Variants in EIF4E observed in about 807,000 individuals in gnomAD.
The protein encoded by EIF4E is eukaryotic translation initiation factor 4E, also known as eIF-4F 25 kDa subunit.
For missense variants in EIF4E, 113 were observed against 265.6 expected (o/e 0.43, Z 3.99); for synonymous variants, 71 against 88.5 (o/e 0.80, Z 1.11).
At chr4:98,917,446 C>G (rs953936715) in intron 1 of EIF4E, among the ~76,000 whole-genome samples, 1 of 152,124 alleles carries the variant, frequency 6.6e-6, no homozygotes, top group African/African-American at 2.4e-5. Context: ...AAAAAGGGCT[C>G]TAGTAGAAAT....
chr4:98,911,002 G>A (rs1340932693), intron 1 of EIF4E, among the ~76,000 whole-genome samples: 1 of 151,784 alleles, frequency 6.6e-6, no homozygotes, highest in Admixed American at 6.6e-5. Flanking sequence ...CTAAAGTGCT[G>A]GAATTACAGG....
At chr4:98,919,236 T>G (rs938208592) in intron 1 of EIF4E, among the ~76,000 whole-genome samples, 5 of 149,738 alleles carry the variant, frequency 3.3e-5, no homozygotes, top group African/African-American at 1.2e-4. Flanking sequence ...ACCCGGGAGG[T>G]GGATGTTGCA....
chr4:98,924,013 A>G (rs1725765571), intron 1 of EIF4E, among the ~76,000 whole-genome samples: 2 of 152,182 alleles, frequency 1.3e-5, no homozygotes, highest in Non-Finnish European at 1.5e-5. Flanking sequence ...CCACTTCTCA[A>G]AAAAGTCTCT....
chr4:98,900,818 AACT>A (rs1318918005), intron 2 of EIF4E, among the ~76,000 whole-genome samples: 3 of 152,192 alleles, frequency 2.0e-5, no homozygotes, highest in Admixed American at 6.5e-5. Flanking sequence ...TTACACTATT[AACT>A]ATGAAAACTT....
At chr4:98,892,877 C>T (rs561106691) in intron 2 of EIF4E, among the ~76,000 whole-genome samples, 40 of 152,060 alleles carry the variant, frequency 2.6e-4, no homozygotes, top group African/African-American at 9.6e-4. Context: ...ATAATGTATA[C>T]CAGTTTTAAT....
intron 1 of EIF4E, among the ~76,000 whole-genome samples, chr4:98,925,014 T>A (rs1211045050): frequency 2.6e-5 from 4 of 152,242 alleles, no homozygotes; most frequent in African/African-American, 9.6e-5. Flanking sequence ...AGTCCACTAA[T>A]TTGCATAGTC....
rs114620608 is a variant in EIF4E at position 98,902,426 on chromosome 4, A to G, written c.19-444T>C. Among the ~76,000 whole-genome samples the G allele has an allele frequency of 5.1e-3, 775 of 152,370 alleles. 1 individual carries two copies. Among genetic ancestry groups the G allele is most frequent in the Non-Finnish European group, 9.4e-3 (642 of 68,028 alleles). On this transcript the variant is annotated intron_variant, in intron 1 of 6. Coordinates refer to ENST00000450253, the MANE Select transcript of EIF4E (RefSeq NM_001968.5). ...AGCAGATTGCTTCATAAAACAGACC[A>G]CAGACCAAACTCTAAAGAACCATTC... is the stretch of plus-strand genomic sequence containing the variant.
At chr4:98,896,857 C>A (rs1413378392) in intron 2 of EIF4E, among the ~76,000 whole-genome samples, 1 of 151,884 alleles carries the variant, frequency 6.6e-6, no homozygotes, top group Admixed American at 6.6e-5. Flanking sequence ...GGGGCCCCAG[C>A]TGGGGTGGAA....
Position 98,914,158 on chromosome 4 carries a change from C to A in EIF4E, c.19-12176G>T, listed in dbSNP as rs567064028. 2.6e-5 allele frequency among the ~76,000 whole-genome samples: 4 copies of A among 151,246 alleles called. 1 individual carries two copies. In the South Asian group the frequency reaches 8.4e-4, roughly 32 times the overall value. ...GGATCACGAGGTCAGGAGTTTAAGACCAGCCTGGCCAACATGGTGAAACCT... is the reference window on the plus strand; with the variant it reads ...GGATCACGAGGTCAGGAGTTTAAGAACAGCCTGGCCAACATGGTGAAACCT... On this transcript the variant is annotated intron_variant, in intron 1 of 6. Coordinates refer to ENST00000450253, the MANE Select transcript of EIF4E (RefSeq NM_001968.5).
At chr4:98,912,228 G>C (rs377496823) in intron 1 of EIF4E, among the ~76,000 whole-genome samples, 1 of 147,086 alleles carries the variant, frequency 6.8e-6, no homozygotes, top group African/African-American at 2.5e-5. Flanking sequence ...CTCCAGCCTA[G>C]ATAACAAGAG....
At chr4:98,885,306 C>T (rs1723867009) in intron 5 of EIF4E, among the ~76,000 whole-genome samples, 9 of 152,152 alleles carry the variant, frequency 5.9e-5, no homozygotes. Flanking sequence ...GACATAAAAG[C>T]TGATTTTATT....
intron 2 of EIF4E, among the ~76,000 whole-genome samples, chr4:98,892,318 T>G (rs1418730067): frequency 1.0e-5 from 1 of 96,114 alleles, no homozygotes; most frequent in African/African-American, 4.9e-5. Flanking sequence ...CGAAATTCCA[T>G]CTCAAAAAAC....
At chr4:98,912,229 A>G (rs1725181923) in intron 1 of EIF4E, among the ~76,000 whole-genome samples, 1 of 145,862 alleles carries the variant, frequency 6.9e-6, no homozygotes, top group African/African-American at 2.5e-5. Flanking sequence ...TCCAGCCTAG[A>G]TAACAAGAGC....
intron 2 of EIF4E, among the ~76,000 whole-genome samples, chr4:98,900,166 GA>G (rs549075710): frequency 8.1e-5 from 12 of 148,566 alleles, no homozygotes; most frequent in Non-Finnish European, 1.3e-4. Context: ...TGAAAAAAAT[GA>G]AAAAAAAATG....
intron 1 of EIF4E, 23 bp from the exon 2 acceptor site, chr4:98,902,005 A>G: frequency 1.3e-6 from 2 of 1,578,156 alleles, no homozygotes; most frequent in Non-Finnish European, 1.7e-6. Flanking sequence ...AATATAAAAC[A>G]TTATTTTAAA....
rs993010838 is a variant in EIF4E, at chr4:98,887,798, C to G, written c.285+91G>C. 5 of 1,153,518 alleles carry G rather than the reference C, an allele frequency of 4.3e-6. No homozygotes were observed. The highest frequency in any genetic ancestry group is 6.4e-6 in the Non-Finnish European group (5 of 781,998). 71.5% of individuals were successfully genotyped at this position (1,153,518 alleles called of 1,614,324 possible). On this transcript the variant is annotated intron_variant, in intron 4 of 6. Coordinates refer to ENST00000450253, the MANE Select transcript of EIF4E (RefSeq NM_001968.5). The surrounding 1 kb of genome is among the most constrained non-coding windows in gnomAD (Gnocchi z 4.0). ...ATTATCAGCCTATTCATCACACTAT[C>G]AAATATTCCTAAGTTTATGGTAAGA...
At chr4:98,892,454 G>A (rs573977965) in intron 2 of EIF4E, among the ~76,000 whole-genome samples, 4 of 151,850 alleles carry the variant, frequency 2.6e-5, no homozygotes, top group Middle Eastern at 3.2e-3. Context: ...TGAGGTGGGC[G>A]GATCACGTGA....
intron 3 of EIF4E, 100 bp downstream of exon 3, chr4:98,891,137 A>T: frequency 8.0e-7 from 1 of 1,252,378 alleles, no homozygotes; most frequent in South Asian, 1.3e-5. Flanking sequence ...AACATTCATT[A>T]ACTGTTTAAC....
intron 6 of EIF4E, among the ~76,000 whole-genome samples, chr4:98,883,946 G>C (rs1447688736): frequency 1.3e-5 from 2 of 151,436 alleles, no homozygotes; most frequent in Admixed American, 6.6e-5. Context: ...GGCTGAGGTA[G>C]GAGTATCACC....
Sources: allele counts gnomAD v4.1 joint callset (sites outside exome capture counted in the v4.1 genomes callset), GRCh38; gene constraint gnomAD v4.1.1; non-coding constraint Gnocchi (gnomAD v3.1); transcripts MANE v1.5; gene names NCBI Gene and HGNC (gene_info 2026-07-23, HGNC 2026-07-21).